PDE1A: variants seen among roughly 807,000 people sequenced by gnomAD.
PDE1A encodes the protein dual specificity calcium/calmodulin-dependent 3',5'-cyclic nucleotide phosphodiesterase 1A.
In PDE1A, 35 loss-of-function variants were observed where a neutral mutation model predicts 61.7. The ratio of observed to expected loss-of-function variants is 0.57; its 90% confidence interval spans 0.43 to 0.75. PDE1A has a LOEUF of 0.75. Among genes scored for constraint, PDE1A ranks in the 30% least tolerant of loss-of-function variants. The pLI is 0.00. For synonymous variants in PDE1A, 232 were observed against 213.2 expected, an observed-to-expected ratio of 1.09 and a Z score of -0.77; for missense variants, 597 against 630.6, an observed-to-expected ratio of 0.95 and a Z score of 0.57.
chr2:182,698,338 T>C, the PDE1A span, among the ~76,000 whole-genome samples: 1 of 151,534 alleles, frequency 6.6e-6, no homozygotes, highest in Non-Finnish European at 1.5e-5. Flanking sequence ...TGGGAGTGTA[T>C]CTTAAGGTAA....
At chr2:182,338,338 C>T (rs551552886) in intron 1 of PDE1A, among the ~76,000 whole-genome samples, 3 of 152,256 alleles carry the variant, frequency 2.0e-5, no homozygotes, top group East Asian at 1.9e-4. Flanking sequence ...ATGAAATGAG[C>T]GTGTAAAATG....
At chr2:182,170,526 C>T (rs537958840) in intron 13 of PDE1A, among the ~76,000 whole-genome samples, 13 of 152,116 alleles carry the variant, frequency 8.5e-5, no homozygotes, top group African/African-American at 3.1e-4. Flanking sequence ...TCTGTCTGTA[C>T]TCCTACCGCA....
intron 1 of PDE1A, chr2:182,522,522 C>CT: frequency 6.9e-7 from 1 of 1,459,246 alleles, no homozygotes; most frequent in African/African-American, 1.4e-5. Context: ...AGGGAAGACT[C>CT]TGACAGATTT....
the PDE1A span, among the ~76,000 whole-genome samples, chr2:182,590,753 C>G: frequency 2.6e-5 from 4 of 152,094 alleles, no homozygotes; most frequent in South Asian, 8.3e-4. Context: ...ATAGGGAAAA[C>G]CTGGTTCTGA....
the PDE1A span, among the ~76,000 whole-genome samples, chr2:182,558,758 A>T: frequency 6.6e-6 from 1 of 152,258 alleles, no homozygotes; most frequent in Non-Finnish European, 1.5e-5. Flanking sequence ...TCAATAAATC[A>T]TAGTGTACAG....
At chr2:182,584,034 T>C in the PDE1A span, among the ~76,000 whole-genome samples, 33 of 152,256 alleles carry the variant, frequency 2.2e-4, no homozygotes, top group Non-Finnish European at 3.7e-4. Flanking sequence ...TGATCTCATT[T>C]AGAAAGCTGG....
At chr2:182,525,642 C>G (rs534882598), upstream of PDE1A, among the ~76,000 whole-genome samples, 1 of 152,168 alleles carries the variant, frequency 6.6e-6, no homozygotes, top group South Asian at 2.1e-4. Flanking sequence ...TCCCCAGAAG[C>G]AGCTATGCTT....
chr2:182,244,979 C>G (rs1166167477), intron 2 of PDE1A, among the ~76,000 whole-genome samples: 2 of 152,178 alleles, frequency 1.3e-5, no homozygotes, highest in African/African-American at 4.8e-5. Context: ...CAACAATGGC[C>G]TTTGAGAGCT....
chr2:182,497,593 C>T (rs1393830953), intron 2 of PDE1A, among the ~76,000 whole-genome samples: 5 of 152,110 alleles, frequency 3.3e-5, no homozygotes, highest in African/African-American at 4.8e-5. Flanking sequence ...AATGTTATGG[C>T]CCCAACGTTT....
In PDE1A at chr2:182,215,929, A is replaced by C. The variant is rs770587888; in HGVS notation, c.776+7935T>G. 8.7e-3 allele frequency among the ~76,000 whole-genome samples: 1,055 copies of C among 120,812 alleles called. 7 individuals are homozygous for C. Among genetic ancestry groups the C allele is most frequent in the Non-Finnish European group, 0.012 (720 of 59,382 alleles). 79.3% of individuals were successfully genotyped at this position (120,812 alleles called of 152,430 possible). On this transcript the variant is annotated intron_variant, in intron 7 of 13. Coordinates refer to ENST00000351439, the Ensembl canonical transcript of PDE1A. ...TAACTCATTTTATGAGGCTAGCATC[A>C]TTCTGATACCAAAGCCAGGCAGAGA...
At chr2:182,466,593 C>T (rs1288079106) in intron 2 of PDE1A, among the ~76,000 whole-genome samples, 1 of 151,870 alleles carries the variant, frequency 6.6e-6, no homozygotes. Flanking sequence ...TGAAATAGAA[C>T]ATTGGAAAGT....
chr2:182,648,711 A>C, the PDE1A span, among the ~76,000 whole-genome samples: 2 of 151,462 alleles, frequency 1.3e-5, no homozygotes, highest in African/African-American at 4.9e-5. Context: ...TTAAAAAAAA[A>C]AAAAAAAAAA....
At chr2:182,240,723 T>C (rs555000379) in intron 2 of PDE1A, among the ~76,000 whole-genome samples, 1 of 152,296 alleles carries the variant, frequency 6.6e-6, no homozygotes, top group East Asian at 1.9e-4. Context: ...TACTTAATAA[T>C]CTTGTGTGTA....
chr2:182,630,630 G>C, the PDE1A span, among the ~76,000 whole-genome samples: 1,247 of 151,672 alleles, frequency 8.2e-3, 14 homozygotes, highest in Non-Finnish European at 0.012. Flanking sequence ...TCAGTTTGAT[G>C]GTTCTAATTT....
rs538128414 is a variant in PDE1A at position 182,225,473 on chromosome 2, G to A, written c.676-1509C>T. 1.9e-4 allele frequency among the ~76,000 whole-genome samples: 29 copies of A among 151,836 alleles called. No homozygotes were observed. The East Asian group carries it at 4.4e-3, about 23-fold the overall frequency. ...CTTCACATAACCTATCATGATATTC[G>A]GCACATATTAGGAACTTAGTATTTG... On this transcript the variant is annotated intron_variant, in intron 6 of 13. Coordinates refer to ENST00000351439, the Ensembl canonical transcript of PDE1A.
At chr2:182,179,903 G>T (rs1383555701) in intron 13 of PDE1A, among the ~76,000 whole-genome samples, 3 of 152,188 alleles carry the variant, frequency 2.0e-5, no homozygotes, top group Non-Finnish European at 4.4e-5. Context: ...TCTAGGACTA[G>T]GGAGATGTTT....
At chr2:182,175,915 T>G (rs1367005470) in intron 13 of PDE1A, among the ~76,000 whole-genome samples, 2 of 141,752 alleles carry the variant, frequency 1.4e-5, no homozygotes, top group Non-Finnish European at 3.0e-5. Context: ...CTAGCCAGTT[T>G]TCCCAGCACC....
intron 2 of PDE1A, among the ~76,000 whole-genome samples, chr2:182,466,004 A>C (rs1036553355): frequency 6.6e-6 from 1 of 152,212 alleles, no homozygotes; most frequent in South Asian, 2.1e-4. Flanking sequence ...ATTTAGGGTA[A>C]TATAAGTAAA....
rs188377844 is a variant in PDE1A at position 182,349,616 on chromosome 2, G to A, written c.53+76962C>T. Reference sequence around the variant, plus strand: ...TCCTTCCCAAAGTCATAGCCTTCTAGACATGGTACTTGATCTGAAAATTAA... The same window carrying A: ...TCCTTCCCAAAGTCATAGCCTTCTAAACATGGTACTTGATCTGAAAATTAA... On this transcript the variant is annotated intron_variant, in intron 1 of 13. Transcript: ENST00000351439. 3.7e-4 allele frequency among the ~76,000 whole-genome samples: 56 copies of A among 152,188 alleles called. No individual in the cohort carries two copies. The East Asian group carries it at 0.01, about 28-fold the overall frequency.
Sources: allele counts gnomAD v4.1 joint callset (sites outside exome capture counted in the v4.1 genomes callset), GRCh38; gene constraint gnomAD v4.1.1; transcripts MANE v1.5; gene names NCBI Gene and HGNC (gene_info 2026-07-23, HGNC 2026-07-21).